The following PDE4D variants were observed in gnomAD, a reference collection of about 807,000 sequenced individuals.
PDE4D encodes phosphodiesterase 4D, also known as 3',5'-cyclic-AMP phosphodiesterase 4D.
In PDE4D, 24 loss-of-function variants were observed where a neutral mutation model predicts 87.4. The ratio of observed to expected loss-of-function variants is 0.27; its 90% CI spans 0.20 to 0.39. PDE4D has a LOEUF of 0.39. Ranked by LOEUF, PDE4D falls within the 10% of genes least tolerant of loss-of-function variation. The probability of loss-of-function intolerance (pLI) is 1.00; values close to 1 mark genes in which losing one functional copy is unlikely to be tolerated. For missense variants in PDE4D, 714 were observed against 1,041.0 expected, an observed-to-expected ratio of 0.69 and a Z score of 4.32; for synonymous variants, 384 against 383.2, an observed-to-expected ratio of 1.00 and a Z score of -0.02.
chr5:60,027,621 CT>C (rs1766778646), intron 2 of PDE4D, among the ~76,000 whole-genome samples: 1 of 152,188 alleles, frequency 6.6e-6, no homozygotes, highest in African/African-American at 2.4e-5. Context: ...TCTCACAACA[CT>C]GTAAGCGTCA....
At chr5:60,484,277 C>T (rs757838892) in intron 1 of PDE4D, among the ~76,000 whole-genome samples, 10 of 151,142 alleles carry the variant, frequency 6.6e-5, no homozygotes, top group Non-Finnish European at 1.3e-4. Flanking sequence ...TCTAAAACTT[C>T]GTCATTGGCA....
chr5:59,472,753 T>G (rs1169116857), intron 1 of PDE4D, among the ~76,000 whole-genome samples: 2 of 152,114 alleles, frequency 1.3e-5, no homozygotes, highest in East Asian at 3.9e-4. Flanking sequence ...GACAGCTGGC[T>G]AGGCACACCA....
At chr5:60,316,192 A>T (rs1755575172) in intron 1 of PDE4D, among the ~76,000 whole-genome samples, 1 of 152,142 alleles carries the variant, frequency 6.6e-6, no homozygotes, top group African/African-American at 2.4e-5. Flanking sequence ...CTCCTTGAAG[A>T]GGTCCTTCAC....
rs537312921 is a variant in PDE4D, at chr5:59,609,896, G to A, written c.455+283272C>T. Among the ~76,000 whole-genome samples, 3 of 152,290 alleles carry A rather than the reference G, an allele frequency of 2.0e-5. No homozygotes were observed. In the East Asian group the frequency reaches 5.8e-4, roughly 29 times the overall value. On this transcript the variant is annotated intron_variant, in intron 1 of 14. Transcript: ENST00000340635. Reference sequence around the variant, plus strand: ...TAATCATATCCCGGAAATACAAAGAGTTGTGTGGAGAACTGAAAGAACTTT... The same window carrying A: ...TAATCATATCCCGGAAATACAAAGAATTGTGTGGAGAACTGAAAGAACTTT...
chr5:60,002,378 A>G (rs1764099904), intron 2 of PDE4D, among the ~76,000 whole-genome samples: 1 of 152,108 alleles, frequency 6.6e-6, no homozygotes, highest in Non-Finnish European at 1.5e-5. Context: ...AAACTCTTCC[A>G]AAAAAAGTGA....
At chr5:59,868,039 T>A (rs374706477) in intron 1 of PDE4D, among the ~76,000 whole-genome samples, 1 of 152,208 alleles carries the variant, frequency 6.6e-6, no homozygotes, top group East Asian at 1.9e-4. Flanking sequence ...TAGAAAAGAC[T>A]GGAAAGAAAA....
chr5:60,172,265 TACACAC>T (rs58938460), intron 2 of PDE4D, among the ~76,000 whole-genome samples: 87 of 141,012 alleles, frequency 6.2e-4, no homozygotes, highest in African/African-American at 1.5e-3. Context: ...AGTACTTCAA[TACACAC>T]ACACACACAC....
At chr5:59,769,235 A>G (rs1763201821) in intron 1 of PDE4D, among the ~76,000 whole-genome samples, 3 of 152,176 alleles carry the variant, frequency 2.0e-5, no homozygotes, top group Admixed American at 2.0e-4. Flanking sequence ...CCAAACAAAC[A>G]AAAGGTTTCA....
intron 1 of PDE4D, among the ~76,000 whole-genome samples, chr5:59,883,127 T>A (rs542923324): frequency 3.3e-5 from 5 of 152,272 alleles, no homozygotes; most frequent in African/African-American, 1.2e-4. Flanking sequence ...AAGACCCAAT[T>A]TGGGCTGGTG....
At chr5:59,083,586 A>G (rs893699650) in intron 5 of PDE4D, among the ~76,000 whole-genome samples, 3 of 132,800 alleles carry the variant, frequency 2.3e-5, no homozygotes, top group Non-Finnish European at 4.8e-5. Context: ...ATCTTTATAT[A>G]TACATATATA....
intron 1 of PDE4D, among the ~76,000 whole-genome samples, chr5:60,226,947 T>C (rs1745186454): frequency 6.6e-6 from 1 of 152,082 alleles, no homozygotes; most frequent in South Asian, 2.1e-4. Context: ...CATCCCAAAT[T>C]CTAACCTTGA....
intron 2 of PDE4D, among the ~76,000 whole-genome samples, chr5:60,128,297 A>G (rs1356610709): frequency 6.6e-6 from 1 of 152,232 alleles, no homozygotes. Context: ...GATTACAAAA[A>G]GAAATTGATT....
intron 2 of PDE4D, among the ~76,000 whole-genome samples, chr5:60,108,721 C>A (rs1287744285): frequency 6.6e-6 from 1 of 152,078 alleles, no homozygotes; most frequent in Admixed American, 6.5e-5. Flanking sequence ...CTACAACTAT[C>A]TGATCTTTGA....
At chr5:60,459,727 G>C (rs1420529320) in intron 1 of PDE4D, 3 of 376,250 alleles carry the variant, frequency 8.0e-6, no homozygotes, top group South Asian at 6.5e-5. Flanking sequence ...CCATGGTGTA[G>C]AGCAAAGAGA....
chr5:60,481,330 GA>G (rs962936226), intron 1 of PDE4D, among the ~76,000 whole-genome samples: 5 of 151,206 alleles, frequency 3.3e-5, no homozygotes, highest in African/African-American at 9.7e-5. Flanking sequence ...AGAATAATCT[GA>G]AAAAAAATTG....
At chr5:59,006,344 T>C (rs1751604261) in intron 6 of PDE4D, among the ~76,000 whole-genome samples, 1 of 152,176 alleles carries the variant, frequency 6.6e-6, no homozygotes, top group Non-Finnish European at 1.5e-5. Flanking sequence ...GCGGGAGGAT[T>C]GCTTGAGGCC....
intron 5 of PDE4D, among the ~76,000 whole-genome samples, chr5:59,133,983 T>TTTGTTGTTG (rs71604780): frequency 0.025 from 3,667 of 147,706 alleles, 140 homozygotes; most frequent in African/African-American, 0.076. Context: ...AGCAACTAGT[T>TTTGTTGTTG]TTGTTGTTGT....
intron 10 of PDE4D, 138 bp downstream of exon 10, chr5:58,989,617 C>T: frequency 1.8e-6 from 1 of 558,778 alleles, no homozygotes; most frequent in Admixed American, 3.6e-5. Context: ...TTAACTATAG[C>T]ATTTTCCCCC....
intron 1 of PDE4D, among the ~76,000 whole-genome samples, chr5:59,624,476 C>T (rs1488731722): frequency 1.3e-5 from 2 of 152,100 alleles, no homozygotes; most frequent in Non-Finnish European, 1.5e-5. Flanking sequence ...CAGTGTGATG[C>T]AGTGAGGAAC....
Sources: gnomAD v4.1 joint callset for allele counts (sites outside exome capture counted in the v4.1 genomes callset) on GRCh38, gnomAD v4.1.1 for gene constraint, MANE v1.5 for transcripts, NCBI Gene and HGNC (gene_info 2026-07-23, HGNC 2026-07-21) for gene names.